The following ASH1L variants were observed in gnomAD, a reference collection of about 807,000 sequenced individuals.
The protein encoded by ASH1L is histone-lysine N-methyltransferase ASH1L.
ASH1L carries 23 observed loss-of-function variants against 269.0 expected under a neutral mutation model. That is an observed-to-expected ratio of 0.09 (90% CI 0.06 to 0.12). The LOEUF is 0.12. Among genes scored for constraint, ASH1L ranks in the 10% least tolerant of loss-of-function variants. The probability of loss-of-function intolerance (pLI) is 1.00; values close to 1 mark genes in which losing one functional copy is unlikely to be tolerated. For missense variants in ASH1L, 2,912 were observed against 3,567.8 expected, an observed-to-expected ratio of 0.82 and a Z score of 4.68; for synonymous variants, 1,187 against 1,253.5, an observed-to-expected ratio of 0.95 and a Z score of 1.12.
At chr1:155,450,379 C>T (rs886972348) in intron 4 of ASH1L, among the ~76,000 whole-genome samples, 1 of 152,182 alleles carries the variant, frequency 6.6e-6, no homozygotes, top group Non-Finnish European at 1.5e-5. Context: ...ATTATTTCTT[C>T]AACTGCTATT....
At chr1:155,486,985 G>A (rs1394285233) in intron 2 of ASH1L, among the ~76,000 whole-genome samples, 2 of 152,166 alleles carry the variant, frequency 1.3e-5, no homozygotes, top group South Asian at 2.1e-4. Context: ...GACCAACAGG[G>A]AGAAACCCCG....
chr1:155,409,156 C>T (rs1431963393), intron 6 of ASH1L, among the ~76,000 whole-genome samples: 3 of 151,934 alleles, frequency 2.0e-5, no homozygotes, highest in Non-Finnish European at 4.4e-5. Context: ...TCCCAAATAG[C>T]TGGGACTACA....
At chr1:155,444,066 C>G (rs1054406582) in intron 4 of ASH1L, among the ~76,000 whole-genome samples, 1 of 150,200 alleles carries the variant, frequency 6.7e-6, no homozygotes, top group Non-Finnish European at 1.5e-5. Flanking sequence ...TCACTGCAAC[C>G]TCTGCCTCCC....
chr1:155,556,839 G>A (rs865837432), intron 1 of ASH1L, among the ~76,000 whole-genome samples: 3 of 152,134 alleles, frequency 2.0e-5, no homozygotes, highest in Non-Finnish European at 2.9e-5. Context: ...GCTGAAGTTC[G>A]AGACCAGTGG....
At chr1:155,370,192 C>T (rs1655812755) in intron 12 of ASH1L, 4 of 353,144 alleles carry the variant, frequency 1.1e-5, no homozygotes, top group Non-Finnish European at 1.6e-5. Flanking sequence ...GTGTGTACCA[C>T]CACCCTGGCT....
At chr1:155,522,162 T>C (rs1231221835) in intron 1 of ASH1L, among the ~76,000 whole-genome samples, 1 of 152,248 alleles carries the variant, frequency 6.6e-6, no homozygotes, top group Non-Finnish European at 1.5e-5. Flanking sequence ...TCTCTTAGGC[T>C]GGTTTCAGTA....
intron 3 of ASH1L, among the ~76,000 whole-genome samples, chr1:155,475,056 C>T (rs1488787344): frequency 6.6e-6 from 1 of 152,154 alleles, no homozygotes; most frequent in African/African-American, 2.4e-5. Context: ...CTCTGTATTT[C>T]CTCTTTCACC....
intron 1 of ASH1L, among the ~76,000 whole-genome samples, chr1:155,527,383 C>A (rs1669332174): frequency 6.6e-6 from 1 of 152,114 alleles, no homozygotes; most frequent in Non-Finnish European, 1.5e-5. Flanking sequence ...GCCACCCCTC[C>A]ATAGAAACTG....
chr1:155,523,368 C>T (rs1385991407), intron 1 of ASH1L, among the ~76,000 whole-genome samples: 2 of 152,084 alleles, frequency 1.3e-5, no homozygotes, highest in African/African-American at 4.8e-5. Context: ...ATGGCACACA[C>T]CTGTAGTCCC....
At position 155,347,868 on chromosome 1, in the gene ASH1L, C is replaced by T. The variant is rs146657498; in HGVS notation, c.7591G>A (p.Val2531Ile). Residue 2531 changes from valine (V) to isoleucine (I), a missense_variant, in exon 20 of 28, where the codon GTT becomes ATT. Val to Ile is a conservative substitution (Grantham distance 29, BLOSUM62 3). This residue lies in a region of ASH1L where 309 missense variants were observed against 435.1 expected (regional missense o/e 0.71). Coordinates refer to ENST00000392403, the MANE Select transcript of ASH1L (RefSeq NM_018489.3). ...TAATAGGCCTTTCGTAGACGACAAA[C>T]ATCTCTCCCAACTGGGGATTTACGC... ...YGRKSPVGRD[V>I]CRLRKAYYNA... is the part of the protein sequence containing the mutation. 6.2e-7 allele frequency: 1 copy of T among 1,614,228 alleles called. No homozygotes were observed. The highest frequency in any genetic ancestry group is 1.1e-5 in the South Asian group (1 of 91,090).
intron 8 of ASH1L, among the ~76,000 whole-genome samples, chr1:155,379,615 G>T (rs112692709): frequency 2.1e-4 from 32 of 152,220 alleles, no homozygotes; most frequent in African/African-American, 7.5e-4. Flanking sequence ...ACATTTCCCT[G>T]CTTCCTTTGA....
chr1:155,355,915 GTTTTTTTTTTTTTTTGCTTTTTGT>G (rs1388544553), intron 15 of ASH1L, among the ~76,000 whole-genome samples: 4 of 116,156 alleles, frequency 3.4e-5, no homozygotes, highest in Non-Finnish European at 7.5e-5. Context: ...CAGGTATTCT[GTTTTTTTTTTTTTTTGCTTTTTGT>G]TTTTTTTTGT....
At chr1:155,443,547 T>C (rs942625517) in intron 4 of ASH1L, among the ~76,000 whole-genome samples, 1 of 152,184 alleles carries the variant, frequency 6.6e-6, no homozygotes, top group African/African-American at 2.4e-5. Context: ...ATATAGAACA[T>C]TTCTGTCACC....
rs753022546 is a variant in ASH1L at position 155,337,701 on chromosome 1, T to G, written c.8854A>C (p.Arg2952=). The G allele has an allele frequency of 2.4e-5, 39 of 1,613,950 alleles. No homozygotes were observed. The Middle Eastern group carries it at 4.9e-4, about 20-fold the overall frequency. ...LEEGSGRKLR[R]RTLFIPENSF... Reference sequence around the variant, plus strand: ...TTTTCTGGGATAAACAAAGTACGCCTTCGCAGTTTCCTGCCTGATCCTTCC... The same window carrying G: ...TTTTCTGGGATAAACAAAGTACGCCGTCGCAGTTTCCTGCCTGATCCTTCC... The change falls in exon 28 of 28, where the codon AGG becomes CGG. Residue 2952 remains arginine, a synonymous_variant. Transcript: ENST00000392403.
intron 1 of ASH1L, among the ~76,000 whole-genome samples, chr1:155,558,012 C>T (rs1671713493): frequency 6.6e-6 from 1 of 152,172 alleles, no homozygotes; most frequent in South Asian, 2.1e-4. Flanking sequence ...CCACCACCAC[C>T]ACAATCTTAC....
chr1:155,502,662 C>G (rs1667591764), intron 2 of ASH1L, among the ~76,000 whole-genome samples: 1 of 152,180 alleles, frequency 6.6e-6, no homozygotes, highest in South Asian at 2.1e-4. Flanking sequence ...AATGGAAACA[C>G]AGAGGATAGA....
At chr1:155,510,216 C>G (rs1391126597) in intron 2 of ASH1L, among the ~76,000 whole-genome samples, 1 of 151,664 alleles carries the variant, frequency 6.6e-6, no homozygotes, top group Non-Finnish European at 1.5e-5. Context: ...GAGTTCGAGA[C>G]CAGCCTGACC....
chr1:155,500,806 T>C (rs1252718925), intron 2 of ASH1L, among the ~76,000 whole-genome samples: 2 of 152,066 alleles, frequency 1.3e-5, no homozygotes, highest in Admixed American at 1.3e-4. Flanking sequence ...CTGTCTCTAC[T>C]AAAAATACAA....
intron 5 of ASH1L, among the ~76,000 whole-genome samples, chr1:155,425,442 A>AT (rs796221994): frequency 0.072 from 7,391 of 103,042 alleles, 571 homozygotes; most frequent in African/African-American, 0.22. Flanking sequence ...ATGCAGGGCT[A>AT]TTTTTTTTTT....
Sources: gnomAD v4.1 joint callset for allele counts (sites outside exome capture counted in the v4.1 genomes callset) on GRCh38, gnomAD v4.1.1 for gene constraint, gnomAD v4.1.1 regional missense constraint, MANE v1.5 for transcripts, NCBI Gene and HGNC (gene_info 2026-07-23, HGNC 2026-07-21) for gene names.